HMGA2: variants seen among roughly 807,000 people sequenced by gnomAD.
HMGA2 encodes high mobility group AT-hook 2, also known as high mobility group protein HMGI-C.
Under a neutral mutation model 19.1 loss-of-function variants are expected in HMGA2, and 8 were observed. The observed-to-expected ratio is 0.42, with a 90% CI of 0.25 to 0.76. The LOEUF (loss-of-function observed/expected upper bound fraction) is 0.76. Ranked by LOEUF, HMGA2 falls within the 30% of genes least tolerant of loss-of-function variation. HMGA2 has a pLI of 0.28. For missense variants in HMGA2, 109 were observed against 136.3 expected, an observed-to-expected ratio of 0.80 and a Z score of 1.00; for synonymous variants, 60 against 48.8, an observed-to-expected ratio of 1.23 and a Z score of -0.96.
At chr12:65,845,870 T>A (rs1871214206) in intron 3 of HMGA2, among the ~76,000 whole-genome samples, 1 of 152,190 alleles carries the variant, frequency 6.6e-6, no homozygotes. Flanking sequence ...AGCTCTATCA[T>A]CCAGGGACTG....
chr12:65,927,963 A>ATATG (rs970691969), intron 3 of HMGA2, among the ~76,000 whole-genome samples: 3 of 137,794 alleles, frequency 2.2e-5, no homozygotes, highest in Non-Finnish European at 4.7e-5. Flanking sequence ...ATATATATAT[A>ATATG]TATGTATGTA....
At chr12:65,876,652 T>C (rs1873050465) in intron 3 of HMGA2, among the ~76,000 whole-genome samples, 10 of 152,202 alleles carry the variant, frequency 6.6e-5, no homozygotes. Flanking sequence ...CATAAAATCA[T>C]TTCACCACTT....
chr12:65,853,336 T>C (rs997772525), intron 3 of HMGA2, among the ~76,000 whole-genome samples: 18 of 152,218 alleles, frequency 1.2e-4, no homozygotes, highest in Admixed American at 1.2e-3. Flanking sequence ...TTGAATATAC[T>C]GTTCAAGTTT....
At chr12:65,911,794 T>G (rs1874856736) in intron 3 of HMGA2, among the ~76,000 whole-genome samples, 1 of 152,166 alleles carries the variant, frequency 6.6e-6, no homozygotes, top group Non-Finnish European at 1.5e-5. Flanking sequence ...AGAGCATCCG[T>G]GTAGAAATAA....
intron 3 of HMGA2, among the ~76,000 whole-genome samples, chr12:65,862,034 G>A (rs1374603117): frequency 3.3e-5 from 5 of 151,832 alleles, no homozygotes; most frequent in African/African-American, 1.2e-4. Flanking sequence ...TAGTAGAGAC[G>A]GGGTTTCACC....
At chr12:65,890,527 T>C (rs1200114036) in intron 3 of HMGA2, among the ~76,000 whole-genome samples, 1 of 152,138 alleles carries the variant, frequency 6.6e-6, no homozygotes, top group Non-Finnish European at 1.5e-5. Flanking sequence ...GTATATATCT[T>C]TTGTTTTGTT....
In HMGA2 at chr12:65,939,022, C is replaced by T. The variant is rs536734320; in HGVS notation, c.250-12361C>T. On this transcript the variant is annotated intron_variant, in intron 3 of 4. Transcript: ENST00000403681. ...GAGATATATGGAAGGTATGACTCAG[C>T]GCTTGAGGAAGAAGAGCTACAAGAG... Among the ~76,000 whole-genome samples the T allele has an allele frequency of 1.1e-4, 16 of 152,248 alleles. No individual in the cohort carries two copies. In the South Asian group the frequency reaches 1.9e-3, roughly 18 times the overall value.
In HMGA2 at chr12:65,911,629, TTCCAAAAGCCAA is replaced by T. The variant is rs1303987379; in HGVS notation, c.250-39750_250-39739del. Among the ~76,000 whole-genome samples the T allele has an allele frequency of 3.3e-5, 5 of 152,202 alleles. No homozygotes were observed. In the East Asian group the frequency reaches 9.6e-4, roughly 29 times the overall value. On this transcript the variant is annotated intron_variant, in intron 3 of 4. Transcript: ENST00000403681. ...TGTTCGATTCCACAAACACGGCTTA[TTCCAAAAGCCAA>T]TCCTCCTAATGAGCATTCGGTCATT...
chr12:65,931,063 CA>C (rs1875689962), intron 3 of HMGA2, among the ~76,000 whole-genome samples: 2 of 152,324 alleles, frequency 1.3e-5, no homozygotes, highest in South Asian at 4.1e-4. Context: ...TGGAGCTGTT[CA>C]GATGGCAAAT....
At chr12:65,898,071 G>T (rs1874210341) in intron 3 of HMGA2, among the ~76,000 whole-genome samples, 1 of 151,706 alleles carries the variant, frequency 6.6e-6, no homozygotes, top group African/African-American at 2.4e-5. Context: ...ATTTTGCCTT[G>T]ACTTCCTGGC....
intron 3 of HMGA2, among the ~76,000 whole-genome samples, chr12:65,921,406 G>A (rs1875304730): frequency 6.6e-6 from 1 of 152,116 alleles, no homozygotes; most frequent in African/African-American, 2.4e-5. Context: ...CCGTCACCAT[G>A]CCTGGCTAAT....
At chr12:65,939,905 G>A (rs1876034050) in intron 3 of HMGA2, among the ~76,000 whole-genome samples, 1 of 152,150 alleles carries the variant, frequency 6.6e-6, no homozygotes, top group South Asian at 2.1e-4. Context: ...ATCATTATGG[G>A]AAAGACTCGT....
intron 3 of HMGA2, among the ~76,000 whole-genome samples, chr12:65,891,745 C>G (rs185294959): frequency 1.5e-3 from 221 of 152,332 alleles, no homozygotes; most frequent in African/African-American, 4.7e-3. Context: ...CTCTGCTGCC[C>G]TGTGCTGCGT....
At chr12:65,854,749 A>T (rs1871647528) in intron 3 of HMGA2, among the ~76,000 whole-genome samples, 1 of 152,176 alleles carries the variant, frequency 6.6e-6, no homozygotes, top group African/African-American at 2.4e-5. Context: ...TTCTTTTAAG[A>T]CTGTCAGTTG....
intron 1 of HMGA2, among the ~76,000 whole-genome samples, chr12:65,827,595 G>A (rs922928527): frequency 1.3e-5 from 2 of 152,132 alleles, no homozygotes; most frequent in African/African-American, 4.8e-5. Flanking sequence ...TGGTAGCTTC[G>A]TATTTCTGTT....
At chr12:65,855,057 G>C (rs1198519215) in intron 3 of HMGA2, among the ~76,000 whole-genome samples, 1 of 152,192 alleles carries the variant, frequency 6.6e-6, no homozygotes, top group Non-Finnish European at 1.5e-5. Flanking sequence ...GGATTGGCCT[G>C]GGAGTGTAAC....
chr12:65,916,113 C>G (rs1324838171), intron 3 of HMGA2, among the ~76,000 whole-genome samples: 1 of 152,150 alleles, frequency 6.6e-6, no homozygotes, highest in Non-Finnish European at 1.5e-5. Context: ...TTGAACAAGT[C>G]CCCCACAGAA....
At chr12:65,870,911 A>T (rs902251453) in intron 3 of HMGA2, among the ~76,000 whole-genome samples, 12 of 152,214 alleles carry the variant, frequency 7.9e-5, no homozygotes, top group Middle Eastern at 3.2e-3. Context: ...GGATGTGGAC[A>T]GTGAACCTAA....
chr12:65,884,189 G>A (rs905680190), intron 3 of HMGA2, among the ~76,000 whole-genome samples: 2 of 152,084 alleles, frequency 1.3e-5, no homozygotes, highest in Non-Finnish European at 2.9e-5. Context: ...TATACAGATT[G>A]AATATCCCTA....
Sources: gnomAD v4.1 joint callset for allele counts (sites outside exome capture counted in the v4.1 genomes callset) on GRCh38, gnomAD v4.1.1 for gene constraint, MANE v1.5 for transcripts, NCBI Gene and HGNC (gene_info 2026-07-23, HGNC 2026-07-21) for gene names.